Variants in CPNE4 observed in about 807,000 individuals in gnomAD.
The protein encoded by CPNE4 is copine 4, also known as copine-4.
A neutral mutation model predicts 67.9 loss-of-function variants in CPNE4; 25 were observed. The observed-to-expected ratio is 0.37, with a 90% CI of 0.27 to 0.51. The LOEUF (loss-of-function observed/expected upper bound fraction) is 0.51, where lower values mean the gene tolerates loss of function less well. Among genes scored for constraint, CPNE4 ranks in the 20% least tolerant of loss-of-function variants. The pLI, the probability that CPNE4 is intolerant of heterozygous loss-of-function variation, is 0.93. For synonymous variants in CPNE4, 242 were observed against 244.9 expected (o/e 0.99, Z 0.11); for missense variants, 464 against 690.8 (o/e 0.67, Z 3.68).
intron 2 of CPNE4, among the ~76,000 whole-genome samples, chr3:131,727,771 A>T (rs764838362): frequency 1.1e-4 from 16 of 152,126 alleles, no homozygotes; most frequent in Non-Finnish European, 1.9e-4. Flanking sequence ...CCCTCCTTCC[A>T]TTCCCAAGAA....
intron 4 of CPNE4, among the ~76,000 whole-genome samples, chr3:131,699,307 T>G (rs1230908524): frequency 1.3e-5 from 2 of 152,222 alleles, no homozygotes; most frequent in Admixed American, 1.3e-4. Context: ...GAGCACTGGA[T>G]ATGTGGCCAG....
At chr3:131,941,265 T>C (rs980629811) in intron 1 of CPNE4, among the ~76,000 whole-genome samples, 1 of 152,044 alleles carries the variant, frequency 6.6e-6, no homozygotes, top group Non-Finnish European at 1.5e-5. Context: ...CCCAAAAGCA[T>C]CATTTTCTAA....
chr3:131,775,897 G>A (rs2083278790), intron 2 of CPNE4, among the ~76,000 whole-genome samples: 1 of 152,164 alleles, frequency 6.6e-6, no homozygotes, highest in Non-Finnish European at 1.5e-5. Flanking sequence ...AGAGGGCAAA[G>A]CACATCATGA....
At chr3:131,852,694 G>T (rs964679380) in intron 2 of CPNE4, among the ~76,000 whole-genome samples, 1 of 151,672 alleles carries the variant, frequency 6.6e-6, no homozygotes, top group Non-Finnish European at 1.5e-5. Context: ...ATTAGATCAG[G>T]AGTGATGTGT....
chr3:131,939,883 G>A (rs1488894120), intron 1 of CPNE4, among the ~76,000 whole-genome samples: 2 of 152,100 alleles, frequency 1.3e-5, no homozygotes, highest in African/African-American at 2.4e-5. Flanking sequence ...TGCATCCTAA[G>A]CACGTTCAGG....
chr3:131,909,966 C>G (rs145543515), intron 1 of CPNE4, among the ~76,000 whole-genome samples: 51 of 152,080 alleles, frequency 3.4e-4, no homozygotes, highest in African/African-American at 1.2e-3. Context: ...CAACGGGAAA[C>G]AGAGGATTTG....
At chr3:131,795,970 G>T (rs2083907332) in intron 2 of CPNE4, among the ~76,000 whole-genome samples, 1 of 152,136 alleles carries the variant, frequency 6.6e-6, no homozygotes. Flanking sequence ...AACGCTTTAT[G>T]AGAAATAAAG....
intron 7 of CPNE4, among the ~76,000 whole-genome samples, chr3:131,593,062 G>C (rs1938631650): frequency 6.6e-6 from 1 of 152,186 alleles, no homozygotes; most frequent in Admixed American, 6.5e-5. Context: ...CTGGCTAGCA[G>C]TTCCCAGTTA....
intron 2 of CPNE4, among the ~76,000 whole-genome samples, chr3:131,894,521 T>TA (rs948231539): frequency 2.0e-5 from 3 of 151,370 alleles, no homozygotes; most frequent in African/African-American, 7.2e-5. Flanking sequence ...AACTTAACAT[T>TA]AAAAAAAATA....
chr3:131,585,415 C>T (rs1938114235), intron 8 of CPNE4, among the ~76,000 whole-genome samples: 1 of 152,090 alleles, frequency 6.6e-6, no homozygotes, highest in African/African-American at 2.4e-5. Flanking sequence ...CACTGTATAA[C>T]TACACCAAAA....
chr3:131,744,663 T>C (rs1016995498), intron 2 of CPNE4, among the ~76,000 whole-genome samples: 1 of 152,240 alleles, frequency 6.6e-6, no homozygotes, highest in African/African-American at 2.4e-5. Flanking sequence ...AATTCAAGAA[T>C]GTTATTTAAA....
intron 7 of CPNE4, among the ~76,000 whole-genome samples, chr3:131,617,904 G>C (rs1940250648): frequency 6.6e-6 from 1 of 152,166 alleles, no homozygotes; most frequent in African/African-American, 2.4e-5. Flanking sequence ...CTCACCATCA[G>C]TCAAGTCATT....
At chr3:131,893,706 TAAAC>T (rs1345861085) in intron 2 of CPNE4, among the ~76,000 whole-genome samples, 1 of 151,958 alleles carries the variant, frequency 6.6e-6, no homozygotes, top group Non-Finnish European at 1.5e-5. Context: ...AGCACGCTCT[TAAAC>T]AACCAATGGG....
chr3:132,034,631 C>T lies in CPNE4; in HGVS notation c.-66G>A. 1.0e-6 allele frequency: 1 copy of T among 985,488 alleles called. No homozygotes were observed. The highest frequency in any genetic ancestry group is 1.1e-4 in the East Asian group (1 of 8,796). 61.0% of individuals were successfully genotyped at this position (985,488 alleles called of 1,614,324 possible). ...CCCGGGACGAGGTCTGTCCCGCCCCCAGGATGCAAAATCCGGCTTTGAAGT... is the reference window on the plus strand; with the variant it reads ...CCCGGGACGAGGTCTGTCCCGCCCCTAGGATGCAAAATCCGGCTTTGAAGT... On this transcript the variant is annotated 5_prime_UTR_variant, in exon 1 of 16. Transcript: ENST00000429747.
chr3:131,976,828 G>A (rs1223333814), intron 1 of CPNE4, among the ~76,000 whole-genome samples: 1 of 150,390 alleles, frequency 6.6e-6, no homozygotes, highest in African/African-American at 2.5e-5. Flanking sequence ...TTGAGACAGA[G>A]TCTCACCGTG....
intron 13 of CPNE4, among the ~76,000 whole-genome samples, chr3:131,550,549 C>T (rs1045541528): frequency 3.2e-4 from 48 of 152,112 alleles, no homozygotes; most frequent in Admixed American, 2.9e-3. Flanking sequence ...TGTTTCCACA[C>T]GATCTTGTTG....
intron 6 of CPNE4, among the ~76,000 whole-genome samples, chr3:131,677,510 C>T (rs965859490): frequency 2.5e-4 from 38 of 152,100 alleles, no homozygotes; most frequent in Middle Eastern, 3.2e-3. Context: ...TTTGCCCATG[C>T]TTATGTCCTA....
At chr3:131,735,060 C>A (rs1045038397) in intron 2 of CPNE4, among the ~76,000 whole-genome samples, 1 of 152,200 alleles carries the variant, frequency 6.6e-6, no homozygotes, top group Non-Finnish European at 1.5e-5. Flanking sequence ...TAGGGCCCAG[C>A]ACTTCAGCAT....
At chr3:131,784,366 A>G (rs372765043) in intron 2 of CPNE4, among the ~76,000 whole-genome samples, 5 of 152,212 alleles carry the variant, frequency 3.3e-5, no homozygotes, top group Admixed American at 2.0e-4. Flanking sequence ...AGAATAATTT[A>G]TAGCACCCTC....
Sources: allele counts gnomAD v4.1 joint callset (sites outside exome capture counted in the v4.1 genomes callset), GRCh38; gene constraint gnomAD v4.1.1; transcripts MANE v1.5; gene names NCBI Gene and HGNC (gene_info 2026-07-23, HGNC 2026-07-21).